The following CLASP1 variants were observed in gnomAD, a reference collection of about 807,000 sequenced individuals.
The protein encoded by CLASP1 is CLIP-associating protein 1.
In CLASP1, 38 loss-of-function variants were observed where a neutral mutation model predicts 192.3. The observed-to-expected ratio is 0.20, with a 90% CI of 0.15 to 0.26. CLASP1 has a LOEUF of 0.26. CLASP1 is among the 10% of genes least tolerant of loss of function. The pLI, the probability that CLASP1 is intolerant of heterozygous loss-of-function variation, is 1.00. For missense variants in CLASP1, 1,433 were observed against 1,932.5 expected, an observed-to-expected ratio of 0.74 and a Z score of 4.85; for synonymous variants, 691 against 712.8, an observed-to-expected ratio of 0.97 and a Z score of 0.49.
At chr2:121,404,313 A>G in intron 26 of CLASP1, 58 bp downstream of exon 27, 1 of 1,588,964 alleles carries the variant, frequency 6.3e-7, no homozygotes, top group Non-Finnish European at 8.6e-7. Flanking sequence ...GTAGTATATC[A>G]CACAGAGCAC....
At chr2:121,624,005 T>C (rs1476737621) in intron 1 of CLASP1, among the ~76,000 whole-genome samples, 1 of 152,328 alleles carries the variant, frequency 6.6e-6, no homozygotes, top group East Asian at 1.9e-4. Flanking sequence ...AGGTCAGTAG[T>C]GATGTCCCTT....
intron 7 of CLASP1, among the ~76,000 whole-genome samples, chr2:121,508,427 C>T (rs991623147): frequency 3.3e-5 from 5 of 152,066 alleles, no homozygotes; most frequent in African/African-American, 9.7e-5. Context: ...CACAAAATAA[C>T]GCAGTAACAG....
chr2:121,646,076 G>A (rs1457542590), intron 1 of CLASP1, among the ~76,000 whole-genome samples: 2 of 152,084 alleles, frequency 1.3e-5, no homozygotes, highest in Non-Finnish European at 2.9e-5. Context: ...TTTCTACTTC[G>A]CTTAGTTTTT....
At position 121,515,650 on chromosome 2, in the gene CLASP1, A is replaced by T. The variant is rs752549210; in HGVS notation, c.644+15T>A. ...GGTTGGGTAGAGCAGAAGAAAGGAA[A>T]AAATCTGCACTCACCGGGACTGTGG... On this transcript the variant is annotated intron_variant, in intron 7 of 39. Transcript: ENST00000263710. The T allele has an allele frequency of 6.2e-7, 1 of 1,610,338 alleles. No homozygotes were observed. The highest frequency in any genetic ancestry group is 8.5e-7 in the Non-Finnish European group (1 of 1,176,606).
intron 19 of CLASP1, among the ~76,000 whole-genome samples, chr2:121,441,691 C>T (rs2083372440): frequency 6.6e-6 from 1 of 151,994 alleles, no homozygotes. Context: ...GTGCAGTGAG[C>T]TGTAATAGCA....
intron 1 of CLASP1, among the ~76,000 whole-genome samples, chr2:121,628,552 T>C (rs2068825555): frequency 6.6e-6 from 1 of 151,834 alleles, no homozygotes; most frequent in South Asian, 2.1e-4. Flanking sequence ...GGTGCACGCC[T>C]GTAACCCCAG....
chr2:121,427,667 C>T (rs2080675601), intron 20 of CLASP1, among the ~76,000 whole-genome samples: 1 of 152,176 alleles, frequency 6.6e-6, no homozygotes, highest in African/African-American at 2.4e-5. Context: ...CTACAATGTG[C>T]CAGGCTCACA....
intron 2 of CLASP1, among the ~76,000 whole-genome samples, chr2:121,575,141 T>A (rs1559654192): frequency 6.6e-6 from 1 of 151,888 alleles, no homozygotes; most frequent in Non-Finnish European, 1.5e-5. Flanking sequence ...GAGACAAGTC[T>A]CCCTCTGTCT....
At chr2:121,351,195 C>T (rs1282614896) in intron 37 of CLASP1, among the ~76,000 whole-genome samples, 1 of 152,202 alleles carries the variant, frequency 6.6e-6, no homozygotes, top group African/African-American at 2.4e-5. Flanking sequence ...CCATAAAGCC[C>T]TTCTGCTGAA....
intron 2 of CLASP1, among the ~76,000 whole-genome samples, chr2:121,546,300 T>C (rs1303931487): frequency 6.6e-6 from 1 of 150,930 alleles, no homozygotes; most frequent in African/African-American, 2.4e-5. Context: ...TACCTAGAAA[T>C]GAAATATAGA....
At chr2:121,584,960 G>C (rs534833859) in intron 2 of CLASP1, among the ~76,000 whole-genome samples, 2 of 152,288 alleles carry the variant, frequency 1.3e-5, no homozygotes, top group South Asian at 4.1e-4. Flanking sequence ...GCTATAAAAT[G>C]ATCATAAAGC....
intron 22 of CLASP1, among the ~76,000 whole-genome samples, chr2:121,421,235 T>C (rs1343038035): frequency 6.6e-6 from 1 of 152,212 alleles, no homozygotes; most frequent in Non-Finnish European, 1.5e-5. Flanking sequence ...AAAAGAAGGA[T>C]TTAAAATAAG....
chr2:121,401,693 A>T (rs1476168587), intron 27 of CLASP1, 21 bp from the exon 29 acceptor site: 3 of 1,596,034 alleles, frequency 1.9e-6, no homozygotes, highest in Admixed American at 3.4e-5. Flanking sequence ...ATGAAAACCA[A>T]GTAGTTCACA....
chr2:121,608,418 A>C (rs1188214272), intron 1 of CLASP1, among the ~76,000 whole-genome samples: 3 of 152,198 alleles, frequency 2.0e-5, no homozygotes, highest in Non-Finnish European at 4.4e-5. Flanking sequence ...AAGCAAGCAA[A>C]GACTTGCTAT....
intron 9 of CLASP1, among the ~76,000 whole-genome samples, chr2:121,467,763 A>G (rs546150491): frequency 1.1e-4 from 17 of 152,254 alleles, no homozygotes; most frequent in Non-Finnish European, 2.2e-4. Context: ...CTCTCTGATG[A>G]CAGTTTATTT....
At chr2:121,563,336 A>G (rs533247954) in intron 2 of CLASP1, among the ~76,000 whole-genome samples, 51 of 152,354 alleles carry the variant, frequency 3.3e-4, no homozygotes, top group African/African-American at 1.2e-3. Flanking sequence ...GGAGATGTAT[A>G]AAGCAACAAG....
exon 40 of CLASP1, chr2:121,339,291 G>A (rs1471211774): frequency 1.3e-5 from 2 of 152,266 alleles, no homozygotes; most frequent in African/African-American, 4.8e-5. Flanking sequence ...CAGGGCAGAG[G>A]GGTCTGTGGA....
At chr2:121,356,892 GAGA>G (rs1204526087) in intron 37 of CLASP1, among the ~76,000 whole-genome samples, 1 of 152,222 alleles carries the variant, frequency 6.6e-6, no homozygotes, top group Non-Finnish European at 1.5e-5. Context: ...GACAAATGAT[GAGA>G]AGGAGTGGAA....
intron 2 of CLASP1, among the ~76,000 whole-genome samples, chr2:121,568,989 CAGGAAAG>C (rs2059748179): frequency 1.3e-5 from 2 of 152,156 alleles, no homozygotes; most frequent in Non-Finnish European, 2.9e-5. Flanking sequence ...AAGTTGCTCT[CAGGAAAG>C]CCATGTGCCT....
Sources: gnomAD v4.1 joint callset for allele counts (sites outside exome capture counted in the v4.1 genomes callset) on GRCh38, gnomAD v4.1.1 for gene constraint, MANE v1.5 for transcripts, NCBI Gene and HGNC (gene_info 2026-07-23, HGNC 2026-07-21) for gene names.